Variants in CHN1 observed in about 807,000 individuals in gnomAD.
CHN1 encodes the protein chimerin 1, also known as N-chimaerin.
A neutral mutation model predicts 59.5 loss-of-function variants in CHN1; 37 were observed. The ratio of observed to expected loss-of-function variants is 0.62; its 90% confidence interval spans 0.48 to 0.82. CHN1 has a LOEUF of 0.82. Ranked by LOEUF, CHN1 falls within the 40% of genes least tolerant of loss-of-function variation. The probability of loss-of-function intolerance (pLI) is 0.00; values close to 1 mark genes in which losing one functional copy is unlikely to be tolerated. For missense variants in CHN1, 469 were observed against 571.0 expected, an observed-to-expected ratio of 0.82 and a Z score of 1.82; for synonymous variants, 206 against 200.4, an observed-to-expected ratio of 1.03 and a Z score of -0.24.
Position 174,876,718 on chromosome 2 carries a change from C to G in CHN1, c.549+1122G>C, listed in dbSNP as rs553800413. Among the ~76,000 whole-genome samples the G allele has an allele frequency of 7.4e-4, 112 of 152,252 alleles. No individual in the cohort carries two copies. The South Asian group carries it at 0.021, about 28-fold the overall frequency. ...TATTTCCATTCTGTACCCAAATACT[C>G]TAAGGTAATGGGAAGTTATTTGAGG... On this transcript the variant is annotated intron_variant, in intron 6 of 12. Transcript: ENST00000409900.
chr2:174,980,862 A>G (rs1178580624), intron 1 of CHN1, among the ~76,000 whole-genome samples: 2 of 152,234 alleles, frequency 1.3e-5, no homozygotes, highest in African/African-American at 4.8e-5. Context: ...ATTTTGAAGG[A>G]AAAACTCCAA....
chr2:174,923,499 G>T (rs1249493105), intron 3 of CHN1, among the ~76,000 whole-genome samples: 2 of 152,170 alleles, frequency 1.3e-5, no homozygotes, highest in Admixed American at 6.5e-5. Flanking sequence ...AGACACATTA[G>T]AATGGGGTCC....
At chr2:174,808,244 G>C (rs1393553899) in intron 11 of CHN1, among the ~76,000 whole-genome samples, 1 of 152,166 alleles carries the variant, frequency 6.6e-6, no homozygotes, top group Non-Finnish European at 1.5e-5. Context: ...GAAATTTTAT[G>C]TTTGCTGAAT....
chr2:174,801,774 C>G lies in CHN1; in HGVS notation c.1141G>C (p.Glu381Gln). 6.2e-7 allele frequency: 1 copy of G among 1,613,348 alleles called. No homozygotes were observed. Among genetic ancestry groups the G allele is most frequent in the African/African-American group, 1.3e-5 (1 of 75,020 alleles). Residue 381 changes from glutamate (E) to glutamine (Q), a missense_variant, in exon 12 of 13, where the codon GAA (glutamate) becomes CAA (glutamine). By Grantham distance (29) the Glu-to-Gln change is conservative. Coordinates refer to ENST00000409900, the MANE Select transcript of CHN1 (RefSeq NM_001822.7). The stretch of plus-strand genomic sequence containing the variant: ...GCAGGTGGCAGTAGTTTCAGTGCTT[C>G]ATGAAGGGTTTCCAATTGCTCATCC... The part of the protein sequence containing the change: ...DPDEQLETLH[E>Q]ALKLLPPAHC...
intron 1 of CHN1, among the ~76,000 whole-genome samples, chr2:174,998,086 T>C (rs920834276): frequency 6.8e-6 from 1 of 146,772 alleles, no homozygotes; most frequent in Non-Finnish European, 1.5e-5. Context: ...GTGGATCACA[T>C]GAGGTCAGGA....
chr2:174,965,858 T>C (rs1454153991), intron 1 of CHN1, among the ~76,000 whole-genome samples: 3 of 152,182 alleles, frequency 2.0e-5, no homozygotes, highest in African/African-American at 7.2e-5. Context: ...TATAAAGTGA[T>C]TTTTGAAACA....
At chr2:174,994,292 C>T (rs1034647115) in intron 1 of CHN1, among the ~76,000 whole-genome samples, 1 of 152,042 alleles carries the variant, frequency 6.6e-6, no homozygotes, top group African/African-American at 2.4e-5. Context: ...GAATATAGAA[C>T]CAAGGGATGA....
intron 1 of CHN1, among the ~76,000 whole-genome samples, chr2:174,972,034 T>C (rs1489810657): frequency 2.6e-5 from 4 of 152,154 alleles, no homozygotes; most frequent in African/African-American, 9.7e-5. Context: ...CAACTATCAC[T>C]AGGCTAAACA....
intron 8 of CHN1, among the ~76,000 whole-genome samples, chr2:174,813,754 T>C (rs970008185): frequency 7.9e-5 from 12 of 152,246 alleles, no homozygotes; most frequent in Admixed American, 2.0e-4. Context: ...AAGTGGTGCA[T>C]ATATGATTTA....
chr2:174,875,483 AG>A (rs1687540029), intron 6 of CHN1, among the ~76,000 whole-genome samples: 1 of 152,216 alleles, frequency 6.6e-6, no homozygotes, highest in South Asian at 2.1e-4. Flanking sequence ...CACATCTTGG[AG>A]ACCACCTAGT....
At position 174,811,540 on chromosome 2, in the gene CHN1, A is replaced by G. The variant is rs778740757; in HGVS notation, c.935T>C (p.Ile312Thr). The G allele has an allele frequency of 5.6e-6, 9 of 1,612,196 alleles. No homozygotes were observed. Among genetic ancestry groups the G allele is most frequent in the Admixed American group, 1.7e-5 (1 of 59,932 alleles). ...GTCGAAAGCCATCTTGACATCTTCA[A>G]TTAGGTCACTAAATCCTGATACTCG... ...LYRVSGFSDLIEDVKMAFDRD... is the reference protein window; with the variant it reads ...LYRVSGFSDLTEDVKMAFDRD... Residue 312 changes from isoleucine (I) to threonine (T), a missense_variant, in exon 10 of 13, where the codon ATT (isoleucine) becomes ACT (threonine). This residue lies in a region of CHN1 where 225 missense variants were observed against 289.9 expected (regional missense o/e 0.78). Coordinates refer to ENST00000409900, the MANE Select transcript of CHN1 (RefSeq NM_001822.7).
At chr2:174,970,800 AG>A (rs1690734865) in intron 1 of CHN1, among the ~76,000 whole-genome samples, 2 of 152,366 alleles carry the variant, frequency 1.3e-5, no homozygotes, top group South Asian at 2.1e-4. Flanking sequence ...GTGTTAGTGT[AG>A]TATCAAAGAA....
chr2:174,918,438 G>T, intron 4 of CHN1, 96 bp downstream of exon 4: 1 of 902,794 alleles, frequency 1.1e-6, no homozygotes. Flanking sequence ...CACCAAACTT[G>T]AATACTTCAT....
chr2:174,939,966 C>T (rs1289825972), intron 3 of CHN1, among the ~76,000 whole-genome samples: 1 of 152,056 alleles, frequency 6.6e-6, no homozygotes, highest in African/African-American at 2.4e-5. Context: ...CCAGAAGTCA[C>T]AATAACAAAA....
At chr2:174,959,868 G>A (rs974020161) in intron 1 of CHN1, among the ~76,000 whole-genome samples, 3 of 152,164 alleles carry the variant, frequency 2.0e-5, no homozygotes, top group Non-Finnish European at 2.9e-5. Flanking sequence ...CTTCAACTGC[G>A]GTGACTGCTG....
chr2:174,970,637 C>A (rs1690729210), intron 1 of CHN1, among the ~76,000 whole-genome samples: 1 of 152,030 alleles, frequency 6.6e-6, no homozygotes. Flanking sequence ...TTTGAAATGA[C>A]AAACGTAGGA....
chr2:174,856,275 C>A (rs1686897780), intron 6 of CHN1, among the ~76,000 whole-genome samples: 1 of 152,160 alleles, frequency 6.6e-6, no homozygotes, highest in Non-Finnish European at 1.5e-5. Flanking sequence ...CTACTGGCAG[C>A]AATCACATCA....
chr2:174,968,672 A>G (rs773573831), intron 1 of CHN1, among the ~76,000 whole-genome samples: 2 of 152,240 alleles, frequency 1.3e-5, no homozygotes, highest in Non-Finnish European at 2.9e-5. Flanking sequence ...TCTTGCTGAC[A>G]CTTGCATGCA....
chr2:174,980,311 CT>C (rs1354761191), intron 1 of CHN1, among the ~76,000 whole-genome samples: 1 of 152,088 alleles, frequency 6.6e-6, no homozygotes, highest in Non-Finnish European at 1.5e-5. Flanking sequence ...TACAAAAAAA[CT>C]CCACAAACCC....
Sources: gnomAD v4.1 joint callset for allele counts (sites outside exome capture counted in the v4.1 genomes callset) on GRCh38, gnomAD v4.1.1 for gene constraint, gnomAD v4.1.1 regional missense constraint, MANE v1.5 for transcripts, NCBI Gene and HGNC (gene_info 2026-07-23, HGNC 2026-07-21) for gene names.